DEPTOR: variants seen among roughly 807,000 people sequenced by gnomAD.
DEPTOR encodes the protein DEP domain-containing mTOR-interacting protein.
A neutral mutation model predicts 41.6 loss-of-function variants in DEPTOR; 41 were observed. The ratio of observed to expected loss-of-function variants is 0.98; its 90% CI spans 0.77 to 1.28. The LOEUF is 1.28. Ranked by LOEUF, DEPTOR falls within the 50% of genes most tolerant of loss-of-function variation. DEPTOR has a pLI of 0.00. For synonymous variants in DEPTOR, 195 were observed against 192.3 expected, an observed-to-expected ratio of 1.01 and a Z score of -0.12; for missense variants, 514 against 527.9, an observed-to-expected ratio of 0.97 and a Z score of 0.26.
intron 1 of DEPTOR, among the ~76,000 whole-genome samples, chr8:119,920,758 C>G (rs1001388721): frequency 2.0e-5 from 3 of 152,126 alleles, no homozygotes; most frequent in Admixed American, 6.5e-5. Flanking sequence ...CACTCAGCCC[C>G]CTGAGGGGAT....
chr8:119,919,169 T>TA, intron 1 of DEPTOR, among the ~76,000 whole-genome samples: 1 of 152,320 alleles, frequency 6.6e-6, no homozygotes, highest in East Asian at 1.9e-4. Context: ...CTATTTCATG[T>TA]AAAAAATATA....
intron 1 of DEPTOR, among the ~76,000 whole-genome samples, chr8:119,876,684 T>C (rs1330370622): frequency 6.6e-6 from 1 of 151,640 alleles, no homozygotes; most frequent in Non-Finnish European, 1.5e-5. Flanking sequence ...GGAATTTACC[T>C]CATAGTGTTA....
intron 4 of DEPTOR, among the ~76,000 whole-genome samples, chr8:119,984,118 C>A (rs1489658118): frequency 3.3e-5 from 5 of 152,156 alleles, no homozygotes; most frequent in African/African-American, 7.2e-5. Context: ...TACTTCTAGA[C>A]CCTTCTATAA....
intron 8 of DEPTOR, among the ~76,000 whole-genome samples, chr8:120,049,047 T>A (rs927180085): frequency 3.3e-5 from 5 of 152,148 alleles, no homozygotes; most frequent in South Asian, 2.1e-4. Flanking sequence ...TACATCGATA[T>A]TACCCACACA....
chr8:119,983,981 T>C (rs1828799918), intron 4 of DEPTOR, among the ~76,000 whole-genome samples: 1 of 152,176 alleles, frequency 6.6e-6, no homozygotes, highest in African/African-American at 2.4e-5. Flanking sequence ...TATGGTAACC[T>C]TCCTGGGAAT....
chr8:119,884,236 T>C (rs536339658), intron 1 of DEPTOR, among the ~76,000 whole-genome samples: 50 of 152,296 alleles, frequency 3.3e-4, no homozygotes, highest in African/African-American at 1.1e-3. Context: ...TTCTGTATTT[T>C]CAGTAAAGAT....
intron 3 of DEPTOR, among the ~76,000 whole-genome samples, chr8:119,936,330 G>C (rs992241227): frequency 6.6e-6 from 1 of 152,134 alleles, no homozygotes; most frequent in African/African-American, 2.4e-5. Context: ...ATAAATATTT[G>C]TTGAATGAAC....
intron 1 of DEPTOR, among the ~76,000 whole-genome samples, chr8:119,890,279 T>TTGTTTG (rs1827435403): frequency 6.7e-6 from 1 of 150,200 alleles, no homozygotes; most frequent in Non-Finnish European, 1.5e-5. Flanking sequence ...ATATGAGTTT[T>TTGTTTG]TTTGTTTGTT....
rs889456300 is a variant in DEPTOR, at chr8:119,882,991, C to T, written c.122+9023C>T. On this transcript the variant is annotated intron_variant, in intron 1 of 8. Transcript: ENST00000286234. ...GTATCATTAGATACACGGGGGACAT[C>T]GTGAAGATGGAGTTGGGGAGAGGAT... Among the ~76,000 whole-genome samples, 5 of 152,106 alleles carry T rather than the reference C, an allele frequency of 3.3e-5. No individual in the cohort carries two copies. In the South Asian group the frequency reaches 8.3e-4, roughly 25 times the overall value.
chr8:120,015,530 C>A (rs1189971328), intron 8 of DEPTOR, among the ~76,000 whole-genome samples: 1 of 152,080 alleles, frequency 6.6e-6, no homozygotes, highest in African/African-American at 2.4e-5. Flanking sequence ...TTGCTATATC[C>A]CAACAATGAT....
At chr8:119,927,872 G>T (rs868795905) in intron 1 of DEPTOR, among the ~76,000 whole-genome samples, 16 of 151,970 alleles carry the variant, frequency 1.1e-4, no homozygotes, top group African/African-American at 3.9e-4. Flanking sequence ...ATCCCAAAGT[G>T]CTGGGATTAC....
At chr8:119,886,535 A>G (rs1827367440) in intron 1 of DEPTOR, among the ~76,000 whole-genome samples, 1 of 152,048 alleles carries the variant, frequency 6.6e-6, no homozygotes, top group African/African-American at 2.4e-5. Flanking sequence ...AGATACATAC[A>G]TACACACATA....
At chr8:119,987,470 CCTGCTGG>C (rs1398399702) in intron 4 of DEPTOR, among the ~76,000 whole-genome samples, 2 of 152,160 alleles carry the variant, frequency 1.3e-5, no homozygotes, top group African/African-American at 4.8e-5. Context: ...TCTGTCGACC[CCTGCTGG>C]CATATGTCTC....
At chr8:119,998,049 C>T (rs187605158) in intron 4 of DEPTOR, among the ~76,000 whole-genome samples, 3 of 152,264 alleles carry the variant, frequency 2.0e-5, no homozygotes, top group Non-Finnish European at 4.4e-5. Context: ...GGTATATAGT[C>T]AACCTAACTC....
rs1158578022 is a variant in DEPTOR at position 119,947,969 on chromosome 8, C to T, written c.426-17263C>T. On this transcript the variant is annotated intron_variant, in intron 3 of 8. Coordinates refer to ENST00000286234, the MANE Select transcript of DEPTOR (RefSeq NM_022783.4). ...GATTTGTCCTGACCTCTCATTTGCA[C>T]CATGCATTTGTACTTGCTCCTTGAT... Among the ~76,000 whole-genome samples, 4 of 152,250 alleles carry T rather than the reference C, an allele frequency of 2.6e-5. No individual in the cohort carries two copies. The East Asian group carries it at 7.7e-4, about 29-fold the overall frequency.
At chr8:120,008,920 AAT>A (rs560129457) in intron 7 of DEPTOR, 107 bp from the exon 8 acceptor site, 205 of 962,370 alleles carry the variant, frequency 2.1e-4, no homozygotes, top group Non-Finnish European at 3.2e-4. Context: ...AACGGAGGAA[AAT>A]ATGTCACAGT....
In DEPTOR at chr8:119,880,119, G is replaced by T. The variant is rs181725713; in HGVS notation, c.122+6151G>T. Among the ~76,000 whole-genome samples the T allele has an allele frequency of 3.0e-3, 450 of 150,620 alleles. 2 individuals carry two copies. Among genetic ancestry groups the T allele is most frequent in the Non-Finnish European group, 4.5e-3 (308 of 67,892 alleles). ...ATTGCGCCACTGCACTCCAGCCTGGGTGACAGAGCGGGACTCCGTCTCAAA... is the reference window on the plus strand; with the variant it reads ...ATTGCGCCACTGCACTCCAGCCTGGTTGACAGAGCGGGACTCCGTCTCAAA... On this transcript the variant is annotated intron_variant, in intron 1 of 8. Transcript: ENST00000286234.
chr8:119,941,050 G>A (rs963679018), intron 3 of DEPTOR, among the ~76,000 whole-genome samples: 2 of 152,088 alleles, frequency 1.3e-5, no homozygotes, highest in African/African-American at 4.8e-5. Flanking sequence ...ACACTGCTAT[G>A]AGTGTACTTC....
intron 1 of DEPTOR, among the ~76,000 whole-genome samples, chr8:119,923,158 G>T (rs1365216546): frequency 6.6e-6 from 1 of 152,072 alleles, no homozygotes; most frequent in East Asian, 1.9e-4. Flanking sequence ...TATGTATATT[G>T]AGGTAATATT....
Sources: allele counts gnomAD v4.1 joint callset (sites outside exome capture counted in the v4.1 genomes callset), GRCh38; gene constraint gnomAD v4.1.1; transcripts MANE v1.5; gene names NCBI Gene and HGNC (gene_info 2026-07-23, HGNC 2026-07-21).